Variants in DGKI observed in about 807,000 individuals in gnomAD.
DGKI encodes diacylglycerol kinase iota.
In DGKI, 55 loss-of-function variants were observed where a neutral mutation model predicts 147.5. The observed-to-expected ratio is 0.37, with a 90% confidence interval of 0.30 to 0.47. The LOEUF is 0.47. DGKI is among the 20% of genes least tolerant of loss of function. The pLI, the probability that DGKI is intolerant of heterozygous loss-of-function variation, is 1.00. For missense variants in DGKI, 1,007 were observed against 1,323.8 expected (o/e 0.76, Z 3.71); for synonymous variants, 469 against 477.1 (o/e 0.98, Z 0.22).
intron 22 of DGKI, among the ~76,000 whole-genome samples, chr7:137,486,828 G>A (rs1269295512): frequency 2.6e-5 from 4 of 151,890 alleles, no homozygotes; most frequent in Non-Finnish European, 5.9e-5. Context: ...GCTTATCAAG[G>A]GGTATCAAGA....
intron 21 of DGKI, 88 bp downstream of exon 21, chr7:137,521,778 A>C: frequency 1.1e-6 from 1 of 919,386 alleles, no homozygotes; most frequent in South Asian, 1.4e-5. Flanking sequence ...AGGCACAAGG[A>C]TAAATGAATC....
intron 1 of DGKI, among the ~76,000 whole-genome samples, chr7:137,692,968 G>A (rs917864941): frequency 2.6e-5 from 4 of 152,170 alleles, no homozygotes; most frequent in South Asian, 2.1e-4. Flanking sequence ...ACAACAGGGT[G>A]TACGAAATAA....
At chr7:137,493,872 G>A (rs1585168649) in intron 21 of DGKI, 1 of 662,260 alleles carries the variant, frequency 1.5e-6, no homozygotes, top group Non-Finnish European at 2.7e-6. Context: ...ATATGGACAG[G>A]AATGAAGATC....
chr7:137,612,409 G>A (rs188161830), intron 8 of DGKI, among the ~76,000 whole-genome samples: 65 of 151,960 alleles, frequency 4.3e-4, no homozygotes, highest in Non-Finnish European at 7.5e-4. Flanking sequence ...ACAGCCCTAC[G>A]GATAGTCAAA....
intron 28 of DGKI, among the ~76,000 whole-genome samples, chr7:137,416,995 A>C (rs1243045839): frequency 6.6e-6 from 1 of 152,224 alleles, no homozygotes; most frequent in Non-Finnish European, 1.5e-5. Flanking sequence ...GTCCTTCCCT[A>C]TGAACACTGT....
intron 1 of DGKI, among the ~76,000 whole-genome samples, chr7:137,786,769 A>G (rs982677769): frequency 6.6e-6 from 1 of 152,214 alleles, no homozygotes; most frequent in Admixed American, 6.5e-5. Flanking sequence ...ACTGGTATAA[A>G]AATCAGCACA....
chr7:137,470,171 G>A (rs151268474), intron 23 of DGKI, among the ~76,000 whole-genome samples: 7 of 152,320 alleles, frequency 4.6e-5, no homozygotes, highest in African/African-American at 1.4e-4. Flanking sequence ...TTACAGAGGA[G>A]TAGACAAGGA....
In DGKI at chr7:137,386,335, C is replaced by T. The variant is rs1811175478; in HGVS notation, c.*4885G>A. ...AGTGTAAAATCTATAACCTAGTCCTCCAGGTGCCGTCAAAGAGGCATGTGG... is the reference window on the plus strand; with the variant it reads ...AGTGTAAAATCTATAACCTAGTCCTTCAGGTGCCGTCAAAGAGGCATGTGG... On this transcript the variant is annotated 3_prime_UTR_variant, in exon 33 of 33. Transcript: ENST00000614521. The T allele has an allele frequency of 6.6e-6, 1 of 152,084 alleles. No homozygotes were observed. The highest frequency in any genetic ancestry group is 2.4e-5 in the African/African-American group (1 of 41,418). The allele number at this position is 152,084 out of a possible 1,614,324, so 9.4% of individuals were successfully genotyped here.
intron 1 of DGKI, among the ~76,000 whole-genome samples, chr7:137,763,956 G>A (rs934072709): frequency 6.6e-6 from 1 of 152,216 alleles, no homozygotes; most frequent in African/African-American, 2.4e-5. Flanking sequence ...CTAAATAAGG[G>A]ACAGGTCGTC....
intron 1 of DGKI, among the ~76,000 whole-genome samples, chr7:137,812,053 C>A (rs1251350892): frequency 6.6e-6 from 1 of 152,168 alleles, no homozygotes; most frequent in Non-Finnish European, 1.5e-5. Flanking sequence ...GGGGAAGTTG[C>A]GTAGCTTGCT....
intron 1 of DGKI, among the ~76,000 whole-genome samples, chr7:137,830,187 G>C (rs547987748): frequency 1.4e-4 from 21 of 152,318 alleles, no homozygotes; most frequent in African/African-American, 4.8e-4. Context: ...TGGCAGTCTG[G>C]ATATTCAACT....
chr7:137,407,760 C>T (rs1468845181), intron 30 of DGKI, 115 bp downstream of exon 30: 18 of 1,376,638 alleles, frequency 1.3e-5, no homozygotes, highest in Middle Eastern at 2.0e-4. Flanking sequence ...GCTAAAAGTT[C>T]GAGAGTATTT....
chr7:137,712,519 G>A (rs765140536), intron 1 of DGKI, among the ~76,000 whole-genome samples: 10 of 152,154 alleles, frequency 6.6e-5, no homozygotes, highest in Non-Finnish European at 1.5e-4. Context: ...AGAAAGATAT[G>A]TAAGCCTTTA....
At chr7:137,473,299 C>G (rs961320341) in intron 23 of DGKI, among the ~76,000 whole-genome samples, 4 of 152,118 alleles carry the variant, frequency 2.6e-5, no homozygotes, top group Admixed American at 6.6e-5. Flanking sequence ...CTAAAGATAA[C>G]ATTACAATTT....
intron 1 of DGKI, among the ~76,000 whole-genome samples, chr7:137,736,052 G>A (rs1234635035): frequency 6.6e-6 from 1 of 152,052 alleles, no homozygotes; most frequent in East Asian, 1.9e-4. Flanking sequence ...CACATGTTGT[G>A]TAGAAAGCCA....
chr7:137,521,568 C>T (rs568175747), intron 21 of DGKI, among the ~76,000 whole-genome samples: 5 of 152,150 alleles, frequency 3.3e-5, no homozygotes, highest in Non-Finnish European at 7.4e-5. Flanking sequence ...ATTGGTATCA[C>T]GAACTTTTTG....
chr7:137,511,035 G>T (rs1816562447), intron 21 of DGKI, among the ~76,000 whole-genome samples: 1 of 152,208 alleles, frequency 6.6e-6, no homozygotes. Flanking sequence ...TTTTCCACCA[G>T]TGTGAACTAG....
intron 31 of DGKI, among the ~76,000 whole-genome samples, chr7:137,396,564 T>G (rs1585073823): frequency 6.6e-6 from 1 of 152,244 alleles, no homozygotes; most frequent in South Asian, 2.1e-4. Flanking sequence ...TGTGCTGGCA[T>G]GTGGACCAGC....
chr7:137,777,014 G>T (rs570326830), intron 1 of DGKI, among the ~76,000 whole-genome samples: 1 of 151,940 alleles, frequency 6.6e-6, no homozygotes, highest in Non-Finnish European at 1.5e-5. Context: ...GCAAGACCCT[G>T]TTTCTACCAA....
Sources: allele counts gnomAD v4.1 joint callset (sites outside exome capture counted in the v4.1 genomes callset), GRCh38; gene constraint gnomAD v4.1.1; transcripts MANE v1.5; gene names NCBI Gene and HGNC (gene_info 2026-07-23, HGNC 2026-07-21).